Variants in NCKAP5 observed in about 807,000 individuals in gnomAD.
The protein encoded by NCKAP5 is NCK associated protein 5.
Under a neutral mutation model 167.0 loss-of-function variants are expected in NCKAP5, and 92 were observed. The ratio of observed to expected loss-of-function variants is 0.55; its 90% confidence interval spans 0.47 to 0.66. The LOEUF (loss-of-function observed/expected upper bound fraction) is 0.66, where lower values mean the gene tolerates loss of function less well. NCKAP5 is among the 30% of genes least tolerant of loss of function. NCKAP5 has a pLI of 0.00. For synonymous variants in NCKAP5, 891 were observed against 877.4 expected, an observed-to-expected ratio of 1.02 and a Z score of -0.27; for missense variants, 2,378 against 2,315.0, an observed-to-expected ratio of 1.03 and a Z score of -0.56.
At chr2:132,777,980 T>C (rs1380714785) in intron 15 of NCKAP5, among the ~76,000 whole-genome samples, 1 of 152,138 alleles carries the variant, frequency 6.6e-6, no homozygotes, top group Non-Finnish European at 1.5e-5. Flanking sequence ...ATTTTGTTAA[T>C]GATTTTTATT....
intron 5 of NCKAP5, among the ~76,000 whole-genome samples, chr2:133,134,310 T>C (rs1462777392): frequency 2.0e-5 from 3 of 152,248 alleles, no homozygotes; most frequent in Non-Finnish European, 4.4e-5. Flanking sequence ...ACCATATTTA[T>C]TGTAGTATTT....
chr2:133,427,960 C>A (rs1358058845), intron 3 of NCKAP5, among the ~76,000 whole-genome samples: 1 of 151,904 alleles, frequency 6.6e-6, no homozygotes, highest in Non-Finnish European at 1.5e-5. Flanking sequence ...TTAAAACTTG[C>A]ATATGAATTA....
intron 1 of NCKAP5, among the ~76,000 whole-genome samples, chr2:133,567,025 A>G (rs79356331): frequency 0.031 from 4,649 of 152,330 alleles, 105 homozygotes; most frequent in Non-Finnish European, 0.048. Context: ...AAGGTAGTGA[A>G]GGCTGTCACC....
In NCKAP5 at chr2:133,002,958, G is replaced by T. The variant is rs115818648; in HGVS notation, c.342-8719C>A. Among the ~76,000 whole-genome samples the T allele has an allele frequency of 6.2e-3, 946 of 152,342 alleles. 10 individuals carry two copies. The highest frequency in any genetic ancestry group is 0.022 in the African/African-American group (906 of 41,572). On this transcript the variant is annotated intron_variant, in intron 6 of 19. Transcript: ENST00000409261. ...GAGAAATGCCAGCAAGACTGAAGGG[G>T]CTATGTCTTCACATGCAGCTAAGAT...
chr2:133,549,470 C>T (rs1687076560), intron 2 of NCKAP5, among the ~76,000 whole-genome samples: 1 of 132,882 alleles, frequency 7.5e-6, no homozygotes, highest in East Asian at 2.3e-4. Context: ...TACATGGAAA[C>T]TGAACAACCT....
intron 5 of NCKAP5, among the ~76,000 whole-genome samples, chr2:133,153,840 T>TTTC (rs2083469682): frequency 6.7e-6 from 1 of 148,484 alleles, no homozygotes; most frequent in Non-Finnish European, 1.5e-5. Context: ...CTTCTTTTTT[T>TTTC]TTTTTTTTTT....
At chr2:133,226,247 G>A (rs552982494) in intron 4 of NCKAP5, among the ~76,000 whole-genome samples, 7 of 152,172 alleles carry the variant, frequency 4.6e-5, no homozygotes, top group Middle Eastern at 3.4e-3. Flanking sequence ...GGCCCAAAAA[G>A]GTGGTTTTTA....
chr2:133,654,069 TA>T, the NCKAP5 span, among the ~76,000 whole-genome samples: 1 of 152,152 alleles, frequency 6.6e-6, no homozygotes, highest in Non-Finnish European at 1.5e-5. Context: ...ACATCATTTT[TA>T]CTACATCATA....
At chr2:132,774,694 C>T (rs1682394336) in intron 15 of NCKAP5, among the ~76,000 whole-genome samples, 1 of 152,144 alleles carries the variant, frequency 6.6e-6, no homozygotes, top group Admixed American at 6.5e-5. Context: ...ACTTCCCAAT[C>T]CAGTAGCAGG....
intron 2 of NCKAP5, among the ~76,000 whole-genome samples, chr2:133,543,067 A>AGGGGG (rs1222473932): frequency 5.9e-5 from 9 of 152,126 alleles, no homozygotes; most frequent in African/African-American, 2.2e-4. Flanking sequence ...CCAATGTTGG[A>AGGGGG]GGGGGGACCT....
At chr2:133,061,066 A>T (rs563321381) in intron 6 of NCKAP5, among the ~76,000 whole-genome samples, 3 of 125,150 alleles carry the variant, frequency 2.4e-5, no homozygotes, top group East Asian at 5.3e-4. Flanking sequence ...CCAAAATATT[A>T]AAAAAAAAAC....
In NCKAP5 at chr2:133,136,271, G is replaced by T. The variant is rs188938669; in HGVS notation, c.208-6160C>A. Among the ~76,000 whole-genome samples, 7 of 152,248 alleles carry T rather than the reference G, an allele frequency of 4.6e-5. No individual in the cohort carries two copies. In the East Asian group the frequency reaches 1.4e-3, roughly 29 times the overall value. ...AAGCCAATAAATACCTCTATTCTAG[G>T]TCTAATTATAGTTGGTGATTCTCAT... On this transcript the variant is annotated intron_variant, in intron 5 of 19. Transcript: ENST00000409261.
At chr2:132,954,716 G>A (rs1158654873) in intron 8 of NCKAP5, 2 of 451,040 alleles carry the variant, frequency 4.4e-6, no homozygotes, top group South Asian at 1.6e-5. Context: ...ATAACAAAAA[G>A]ACTAGAAATA....
chr2:133,257,256 G>A (rs1204613712), intron 4 of NCKAP5, among the ~76,000 whole-genome samples: 1 of 152,056 alleles, frequency 6.6e-6, no homozygotes, highest in Non-Finnish European at 1.5e-5. Flanking sequence ...ATATAACTAG[G>A]AACAAAATGG....
intron 6 of NCKAP5, among the ~76,000 whole-genome samples, chr2:133,100,319 C>T (rs552533663): frequency 6.6e-6 from 1 of 152,130 alleles, no homozygotes; most frequent in Admixed American, 6.5e-5. Context: ...TTTTATCCAT[C>T]CTATTACTCT....
chr2:132,976,422 G>C (rs561777011), intron 7 of NCKAP5, among the ~76,000 whole-genome samples: 1 of 151,992 alleles, frequency 6.6e-6, no homozygotes, highest in African/African-American at 2.4e-5. Flanking sequence ...AAATTAGCCG[G>C]GCATGGTGGC....
chr2:133,239,243 C>T (rs941537678), intron 4 of NCKAP5, among the ~76,000 whole-genome samples: 1 of 152,150 alleles, frequency 6.6e-6, no homozygotes, highest in African/African-American at 2.4e-5. Context: ...TATATAGCTT[C>T]CACTATAAAG....
intron 3 of NCKAP5, among the ~76,000 whole-genome samples, chr2:133,432,624 C>T (rs142247384): frequency 3.9e-5 from 6 of 152,214 alleles, no homozygotes; most frequent in Admixed American, 6.5e-5. Flanking sequence ...AATACCTGGC[C>T]GTCAGGGTAG....
At chr2:133,133,355 C>T (rs192863183) in intron 5 of NCKAP5, among the ~76,000 whole-genome samples, 1 of 152,206 alleles carries the variant, frequency 6.6e-6, no homozygotes, top group Non-Finnish European at 1.5e-5. Context: ...ATTTTCAAAG[C>T]TCCTCAATCA....
Sources: gnomAD v4.1 joint callset for allele counts (sites outside exome capture counted in the v4.1 genomes callset) on GRCh38, gnomAD v4.1.1 for gene constraint, MANE v1.5 for transcripts, NCBI Gene and HGNC (gene_info 2026-07-23, HGNC 2026-07-21) for gene names.